The following CCDC73 variants were observed in gnomAD, a reference collection of about 807,000 sequenced individuals.
The protein encoded by CCDC73 is coiled-coil domain-containing protein 73.
CCDC73 carries 95 observed loss-of-function variants against 116.5 expected under a neutral mutation model. That is an observed-to-expected ratio of 0.82 (90% CI 0.69 to 0.97). The LOEUF is 0.97. Among genes scored for constraint, CCDC73 ranks in the 50% least tolerant of loss-of-function variants. The probability of loss-of-function intolerance (pLI) is 0.00; values close to 1 mark genes in which losing one functional copy is unlikely to be tolerated. For missense variants in CCDC73, 1,066 were observed against 1,206.8 expected, an observed-to-expected ratio of 0.88 and a Z score of 1.73; for synonymous variants, 398 against 401.3, an observed-to-expected ratio of 0.99 and a Z score of 0.10.
the CCDC73 span, chr11:32,830,215 C>G: frequency 9.3e-7 from 1 of 1,078,718 alleles, no homozygotes; most frequent in African/African-American, 1.6e-5. Context: ...GAGGGGGTTA[C>G]CTGGAAGGGG....
intron 1 of CCDC73, among the ~76,000 whole-genome samples, chr11:32,763,962 G>A (rs977436195): frequency 3.3e-5 from 5 of 152,306 alleles, no homozygotes; most frequent in African/African-American, 1.2e-4. Flanking sequence ...ACTACATGAC[G>A]AATGCACAAG....
chr11:32,657,947 C>G (rs931338720), intron 9 of CCDC73, among the ~76,000 whole-genome samples: 4 of 151,448 alleles, frequency 2.6e-5, no homozygotes, highest in Non-Finnish European at 5.9e-5. Flanking sequence ...CTGCAGTGAC[C>G]GATAATTGCG....
At chr11:32,740,508 T>C (rs1252218330) in intron 2 of CCDC73, among the ~76,000 whole-genome samples, 1 of 152,068 alleles carries the variant, frequency 6.6e-6, no homozygotes, top group Non-Finnish European at 1.5e-5. Context: ...CTAAAGATCC[T>C]TCAAATTTCT....
intron 1 of CCDC73, among the ~76,000 whole-genome samples, chr11:32,763,181 G>C (rs1308131579): frequency 6.6e-6 from 1 of 152,232 alleles, no homozygotes; most frequent in Non-Finnish European, 1.5e-5. Context: ...GCAAGGCATA[G>C]CCGAACAAAA....
intron 2 of CCDC73, among the ~76,000 whole-genome samples, chr11:32,739,670 A>G (rs1348182009): frequency 1.3e-5 from 2 of 152,132 alleles, no homozygotes; most frequent in Non-Finnish European, 2.9e-5. Flanking sequence ...ATCCTTTCCA[A>G]TTTGGATGCC....
At chr11:32,759,833 C>G (rs1487811368) in intron 2 of CCDC73, among the ~76,000 whole-genome samples, 1 of 152,194 alleles carries the variant, frequency 6.6e-6, no homozygotes, top group Non-Finnish European at 1.5e-5. Flanking sequence ...AGGGTGCTAT[C>G]TGTGCACTCC....
intron 17 of CCDC73, among the ~76,000 whole-genome samples, chr11:32,610,553 A>C (rs1007082196): frequency 2.6e-5 from 4 of 152,370 alleles, no homozygotes; most frequent in African/African-American, 9.6e-5. Context: ...TATGATATAA[A>C]ACTTACACAT....
At chr11:32,657,330 T>C (rs1041308016) in intron 9 of CCDC73, among the ~76,000 whole-genome samples, 2 of 152,178 alleles carry the variant, frequency 1.3e-5, no homozygotes, top group Non-Finnish European at 2.9e-5. Context: ...AAATGACTGC[T>C]AAAGTAACCA....
At chr11:32,717,259 T>A (rs934076419) in intron 3 of CCDC73, among the ~76,000 whole-genome samples, 2 of 152,222 alleles carry the variant, frequency 1.3e-5, no homozygotes, top group Non-Finnish European at 2.9e-5. Context: ...AAGATTACTC[T>A]GATGGAACAG....
chr11:32,679,041 A>G (rs1856119961), intron 7 of CCDC73, among the ~76,000 whole-genome samples: 1 of 152,142 alleles, frequency 6.6e-6, no homozygotes, highest in Non-Finnish European at 1.5e-5. Flanking sequence ...TAAACATGAT[A>G]TATTATTGGT....
chr11:32,659,883 G>A (rs1855906876), intron 9 of CCDC73, among the ~76,000 whole-genome samples: 1 of 152,102 alleles, frequency 6.6e-6, no homozygotes, highest in Admixed American at 6.5e-5. Context: ...GTATTACATG[G>A]CAATTGTATC....
intron 3 of CCDC73, 130 bp from the exon 4 acceptor site, chr11:32,703,074 C>A: frequency 1.4e-6 from 1 of 693,028 alleles, no homozygotes; most frequent in Admixed American, 2.4e-5. Flanking sequence ...TCCTGGAATG[C>A]AACTTTAAAC....
intron 1 of CCDC73, among the ~76,000 whole-genome samples, chr11:32,761,224 G>A (rs908627678): frequency 2.0e-5 from 3 of 151,490 alleles, no homozygotes; most frequent in Non-Finnish European, 4.4e-5. Context: ...GTAACCTATA[G>A]CTTTTTTTTT....
At chr11:32,642,978 C>T (rs436895) in intron 12 of CCDC73, among the ~76,000 whole-genome samples, 66,961 of 150,942 alleles carry the variant, frequency 0.44, 15,368 homozygotes, top group African/African-American at 0.52. Context: ...CATAAAAGTA[C>T]GTAAAATATA....
At chr11:32,737,257 G>A (rs1425905199) in intron 2 of CCDC73, among the ~76,000 whole-genome samples, 1 of 147,358 alleles carries the variant, frequency 6.8e-6, no homozygotes. Flanking sequence ...GTGTGTGTGT[G>A]TGTGTGTGTG....
chr11:32,665,535 C>T (rs907461896), intron 9 of CCDC73, among the ~76,000 whole-genome samples: 1 of 152,052 alleles, frequency 6.6e-6, no homozygotes. Flanking sequence ...ATCCCTTTAT[C>T]TTGAGCCTAT....
At chr11:32,713,701 AG>A (rs1420983788) in intron 3 of CCDC73, among the ~76,000 whole-genome samples, 3 of 152,110 alleles carry the variant, frequency 2.0e-5, no homozygotes. Context: ...TGGTGGCACC[AG>A]AGGACCTCAA....
At chr11:32,640,021 T>G (rs1000190322) in intron 13 of CCDC73, among the ~76,000 whole-genome samples, 3 of 152,220 alleles carry the variant, frequency 2.0e-5, no homozygotes, top group African/African-American at 7.2e-5. Context: ...TTTATCAGTA[T>G]CTTTGTTTTT....
chr11:32,779,697 G>T (rs1850566293), intron 1 of CCDC73, among the ~76,000 whole-genome samples: 1 of 152,182 alleles, frequency 6.6e-6, no homozygotes, highest in Non-Finnish European at 1.5e-5. Context: ...GAGAATGACA[G>T]ACGCACAGTT....
Sources: gnomAD v4.1 joint callset for allele counts (sites outside exome capture counted in the v4.1 genomes callset) on GRCh38, gnomAD v4.1.1 for gene constraint, MANE v1.5 for transcripts, NCBI Gene and HGNC (gene_info 2026-07-23, HGNC 2026-07-21) for gene names.